Variants in PPP2R5B observed in about 807,000 individuals in gnomAD.
PPP2R5B encodes the protein serine/threonine-protein phosphatase 2A 56 kDa regulatory subunit beta isoform.
A neutral mutation model predicts 59.9 loss-of-function variants in PPP2R5B; 19 were observed. That is an observed-to-expected ratio of 0.32 (90% CI 0.22 to 0.47). The LOEUF is 0.47. PPP2R5B is among the 20% of genes least tolerant of loss of function. The probability of loss-of-function intolerance (pLI) is 1.00; values close to 1 mark genes in which losing one functional copy is unlikely to be tolerated. For missense variants in PPP2R5B, 441 were observed against 640.2 expected (o/e 0.69, Z 3.36); for synonymous variants, 286 against 260.5 (o/e 1.10, Z -0.94).
intron 6 of PPP2R5B, 91 bp downstream of exon 6, chr11:64,928,516 C>A: frequency 6.4e-7 from 1 of 1,568,486 alleles, no homozygotes; most frequent in Non-Finnish European, 8.7e-7. Flanking sequence ...GTGGCTCACA[C>A]CTGTAATCCC....
At position 64,934,322 on chromosome 11, in the gene PPP2R5B, TC is replaced by T. The variant is rs1177445849; in HGVS notation, c.*480del. ...CTCCTCCCTTCCCTCGCTGTGTACT[TC>T]CTTGTCCCCTTTTTATTTATTGGGC... On this transcript the variant is annotated 3_prime_UTR_variant, in exon 14 of 14. Coordinates refer to ENST00000164133, the MANE Select transcript of PPP2R5B (RefSeq NM_006244.4). The T allele has an allele frequency of 3.7e-6, 1 of 272,480 alleles. No homozygotes were observed. The highest frequency in any genetic ancestry group is 9.4e-5 in the East Asian group (1 of 10,602). 16.9% of individuals were successfully genotyped at this position (272,480 alleles called of 1,614,324 possible). A position where few individuals can be genotyped will look rare whatever the true frequency, so the allele number is the denominator to read the frequency against.
rs576201717 is a variant in PPP2R5B at position 64,931,051 on chromosome 11, A to G, written c.892-385A>G. Among the ~76,000 whole-genome samples, 1 of 149,980 alleles carries G rather than the reference A, an allele frequency of 6.7e-6. No individual in the cohort carries two copies. Among genetic ancestry groups the G allele is most frequent in the Non-Finnish European group, 1.5e-5 (1 of 67,392 alleles). On this transcript the variant is annotated intron_variant, in intron 8 of 13. Transcript: ENST00000164133. The surrounding 1 kb of genome is among the most constrained non-coding windows in gnomAD (Gnocchi z 5.0). ...CCACATGCCTGGCTAATTAAAAAAAATTTTTTTTTTGTAGAGACAGTGTCT... is the reference window on the plus strand; with the variant it reads ...CCACATGCCTGGCTAATTAAAAAAAGTTTTTTTTTTGTAGAGACAGTGTCT...
At chr11:64,926,030 A>G (rs2136679377) in intron 2 of PPP2R5B, 97 bp downstream of exon 2, 2 of 1,296,150 alleles carry the variant, frequency 1.5e-6, no homozygotes, top group Non-Finnish European at 2.1e-6. Context: ...GCCAAGAGAG[A>G]GAGTTTGGAT....
chr11:64,920,943 C>CTATATATATATATATATATATATATA (rs59230229), upstream of PPP2R5B, among the ~76,000 whole-genome samples: 1 of 134,930 alleles, frequency 7.4e-6, no homozygotes, highest in African/African-American at 2.7e-5. Flanking sequence ...TCCAGCAGTT[C>CTATATATATATATATATATATATATA]TATATATATA....
At chr11:64,932,704 G>T in intron 11 of PPP2R5B, 61 bp from the exon 12 acceptor site, 1 of 1,588,728 alleles carries the variant, frequency 6.3e-7, no homozygotes, top group South Asian at 1.2e-5. Flanking sequence ...ATGGACACCA[G>T]ACCTTGCACA....
chr11:64,927,347 C>G (rs1407405735), intron 3 of PPP2R5B, among the ~76,000 whole-genome samples: 1 of 152,206 alleles, frequency 6.6e-6, no homozygotes, highest in Non-Finnish European at 1.5e-5. Context: ...CTTGCACGAA[C>G]TAGGCGTTCA....
At chr11:64,929,312 G>A (rs1276428560) in intron 6 of PPP2R5B, among the ~76,000 whole-genome samples, 1 of 152,210 alleles carries the variant, frequency 6.6e-6, no homozygotes, top group Admixed American at 6.5e-5. Flanking sequence ...CAAGGCTCAC[G>A]TGGCCTTGTA....
chr11:64,928,086 G>A lies in PPP2R5B; in HGVS notation c.519G>A (p.Leu173=). 6.2e-7 allele frequency: 1 copy of A among 1,614,182 alleles called. No homozygotes were observed. Among genetic ancestry groups the A allele is most frequent in the Non-Finnish European group, 8.5e-7 (1 of 1,180,034 alleles). Reference sequence around the variant, plus strand: ...CCCAGCTGGTATATGAGTTTTTCCTGCGTTTCTTGGAGAGCCCAGACTTCC... The same window carrying A: ...CCCAGCTGGTATATGAGTTTTTCCTACGTTTCTTGGAGAGCCCAGACTTCC... ...PHLQLVYEFF[L]RFLESPDFQP... Residue 173 remains leucine (L), a synonymous_variant, in exon 5 of 14, where the codon CTG becomes CTA. Transcript: ENST00000164133.
At position 64,925,982 on chromosome 11, in the gene PPP2R5B, G is replaced by A; in HGVS notation, c.199+49G>A. 2 of 1,562,064 alleles carry A rather than the reference G, an allele frequency of 1.3e-6. No individual in the cohort carries two copies. The highest frequency in any genetic ancestry group is 2.3e-5 in the East Asian group (1 of 43,938). On this transcript the variant is annotated intron_variant, in intron 2 of 13. Transcript: ENST00000164133. This position sits in a 1 kb window ranked among gnomAD's most constrained non-coding sequence, Gnocchi z 4.6. ...GGGAACCGAACCCCCGAGGGGACCA[G>A]CAGGGCCATGGGGAGGGGTGGGAGG...
At chr11:64,927,172 G>A (rs1945175020) in intron 3 of PPP2R5B, among the ~76,000 whole-genome samples, 1 of 152,182 alleles carries the variant, frequency 6.6e-6, no homozygotes, top group Non-Finnish European at 1.5e-5. Context: ...TGGCTCAGGT[G>A]CCGCCTCTGC....
At chr11:64,932,719 G>C (rs771509478) in intron 11 of PPP2R5B, 46 bp from the exon 12 acceptor site, 9 of 1,601,490 alleles carry the variant, frequency 5.6e-6, no homozygotes, top group Non-Finnish European at 7.7e-6. Context: ...TGCACACAGA[G>C]AGAAGCCACT....
At chr11:64,926,271 T>A (rs1945163217) in intron 2 of PPP2R5B, among the ~76,000 whole-genome samples, 2 of 152,206 alleles carry the variant, frequency 1.3e-5, no homozygotes, top group African/African-American at 4.8e-5. Context: ...CAGGGTTCCC[T>A]GGGATCACCA....
At chr11:64,930,459 C>T in intron 7 of PPP2R5B, 22 bp from the exon 8 acceptor site, 2 of 1,613,968 alleles carry the variant, frequency 1.2e-6, no homozygotes, top group Admixed American at 1.7e-5. Flanking sequence ...AGCCCTCTTC[C>T]TCTCTTCTGC....
chr11:64,928,776 C>T (rs533776851), intron 6 of PPP2R5B, among the ~76,000 whole-genome samples: 2 of 152,050 alleles, frequency 1.3e-5, no homozygotes, highest in South Asian at 2.1e-4. Context: ...CCCAGCTACT[C>T]GGGAGGCTGA....
chr11:64,924,885 C>G lies in PPP2R5B; in HGVS notation c.-408C>G, dbSNP rs913152169. 3 of 152,504 alleles carry G rather than the reference C, an allele frequency of 2.0e-5. No individual in the cohort carries two copies. Among genetic ancestry groups the G allele is most frequent in the African/African-American group, 4.8e-5 (2 of 41,564 alleles). 9.4% of individuals were successfully genotyped at this position (152,504 alleles called of 1,614,324 possible). ...TTGGGGGCATGCTCTAGCCGCCCCCCCGGAGCCCGGGAGAGAACCCAGGAG... is the reference window on the plus strand; with the variant it reads ...TTGGGGGCATGCTCTAGCCGCCCCCGCGGAGCCCGGGAGAGAACCCAGGAG... On this transcript the variant is annotated 5_prime_UTR_variant, in exon 1 of 14. Coordinates refer to ENST00000164133, the MANE Select transcript of PPP2R5B (RefSeq NM_006244.4).
At chr11:64,929,998 C>A (rs1945210597) in intron 6 of PPP2R5B, among the ~76,000 whole-genome samples, 1 of 152,216 alleles carries the variant, frequency 6.6e-6, no homozygotes, top group Non-Finnish European at 1.5e-5. Context: ...ATTTCTTAAG[C>A]CCCATCTCCC....
rs1945140968 is a variant in PPP2R5B at position 64,924,765 on chromosome 11, CG to C, written c.-527del. ...CCGGGGCTCCCGTTGCGCTGCACCG[CG>C]TTGGGTCGGAGTCCCAGGACTTCAG... On this transcript the variant is annotated 5_prime_UTR_variant, in exon 1 of 14. Transcript: ENST00000164133. The C allele has an allele frequency of 6.6e-6, 1 of 152,298 alleles. No individual in the cohort carries two copies. The highest frequency in any genetic ancestry group is 1.5e-5 in the Non-Finnish European group (1 of 68,098). The allele number at this position is 152,298 out of a possible 1,614,324, so 9.4% of individuals were successfully genotyped here.
chr11:64,920,966 T>C (rs1433310412), upstream of PPP2R5B, among the ~76,000 whole-genome samples: 1 of 147,868 alleles, frequency 6.8e-6, no homozygotes, highest in African/African-American at 2.5e-5. Flanking sequence ...TATATGTAAT[T>C]TTTTTTTTGA....
intron 2 of PPP2R5B, 52 bp from the exon 3 acceptor site, chr11:64,926,660 G>A (rs1945167053): frequency 1.3e-6 from 2 of 1,594,218 alleles, no homozygotes; most frequent in Non-Finnish European, 1.7e-6. Context: ...ACCCACAGCT[G>A]GGGCAGCTGG....
Sources: gnomAD v4.1 joint callset for allele counts (sites outside exome capture counted in the v4.1 genomes callset) on GRCh38, gnomAD v4.1.1 for gene constraint, Gnocchi (gnomAD v3.1) non-coding constraint, MANE v1.5 for transcripts, NCBI Gene and HGNC (gene_info 2026-07-23, HGNC 2026-07-21) for gene names.